The following EYS variants were observed in gnomAD, a reference collection of about 807,000 sequenced individuals.
EYS encodes EGF-like photoreceptor maintenance factor, also known as protein eyes shut homolog.
In EYS, 250 loss-of-function variants were observed where a neutral mutation model predicts 282.1. The ratio of observed to expected loss-of-function variants is 0.89; its 90% CI spans 0.80 to 0.98. The LOEUF is 0.98. Among genes scored for constraint, EYS ranks in the 50% least tolerant of loss-of-function variants. EYS has a pLI of 0.00. For missense variants in EYS, 4,016 were observed against 3,709.0 expected, an observed-to-expected ratio of 1.08 and a Z score of -2.15; for synonymous variants, 1,355 against 1,282.9, an observed-to-expected ratio of 1.06 and a Z score of -1.20.
At chr6:65,465,935 G>A (rs942817034) in intron 5 of EYS, among the ~76,000 whole-genome samples, 1 of 151,944 alleles carries the variant, frequency 6.6e-6, no homozygotes, top group African/African-American at 2.4e-5. Context: ...TTGTGCCACT[G>A]CCCCACAGCC....
At chr6:65,092,481 A>T (rs890434586) in intron 12 of EYS, among the ~76,000 whole-genome samples, 29 of 152,220 alleles carry the variant, frequency 1.9e-4, no homozygotes, top group African/African-American at 6.8e-4. Context: ...AAATGCAAAA[A>T]GTCATGCAAC....
intron 14 of EYS, among the ~76,000 whole-genome samples, chr6:64,981,080 A>T (rs1770648017): frequency 6.6e-6 from 1 of 151,418 alleles, no homozygotes; most frequent in South Asian, 2.1e-4. Context: ...GCCTAAGGTT[A>T]TAAAGCCTCG....
At chr6:64,844,917 G>A (rs1424298184) in intron 19 of EYS, among the ~76,000 whole-genome samples, 3 of 152,024 alleles carry the variant, frequency 2.0e-5, no homozygotes, top group Non-Finnish European at 2.9e-5. Flanking sequence ...TGATATTATA[G>A]CCATCTACTC....
intron 22 of EYS, among the ~76,000 whole-genome samples, chr6:64,654,408 A>G (rs1768674238): frequency 6.6e-6 from 1 of 152,186 alleles, no homozygotes; most frequent in South Asian, 2.1e-4. Flanking sequence ...CAGGCATCAA[A>G]CAAGCAATTA....
In EYS at chr6:65,047,921, G is replaced by A. The variant is rs144144650; in HGVS notation, c.2137+9693C>T. 4.6e-4 allele frequency among the ~76,000 whole-genome samples: 70 copies of A among 152,010 alleles called. No individual in the cohort carries two copies. The East Asian group carries it at 0.013, about 28-fold the overall frequency. ...TAGGGAAGATAACCTGATCAGTGGA[G>A]GGGCATAGCCAGCTTGAGGCAAAAC... On this transcript the variant is annotated intron_variant, in intron 13 of 42. Coordinates refer to ENST00000503581, the MANE Select transcript of EYS (RefSeq NM_001142800.2).
chr6:64,628,271 C>A (rs1767673292), intron 22 of EYS, among the ~76,000 whole-genome samples: 1 of 148,816 alleles, frequency 6.7e-6, no homozygotes, highest in Admixed American at 6.7e-5. Context: ...GAGAGGAATT[C>A]ATCACTAGTG....
chr6:65,637,709 A>G (rs566449239), intron 2 of EYS, among the ~76,000 whole-genome samples: 75 of 152,194 alleles, frequency 4.9e-4, no homozygotes, highest in African/African-American at 1.7e-3. Context: ...GCACTGTTGC[A>G]ACTCTAACAA....
chr6:65,274,243 G>T (rs1767980453), intron 12 of EYS, among the ~76,000 whole-genome samples: 1 of 152,148 alleles, frequency 6.6e-6, no homozygotes, highest in Non-Finnish European at 1.5e-5. Context: ...AAGCAATATA[G>T]TATTTATAAA....
intron 12 of EYS, among the ~76,000 whole-genome samples, chr6:65,175,091 G>C (rs1444653037): frequency 6.6e-6 from 1 of 151,128 alleles, no homozygotes; most frequent in African/African-American, 2.4e-5. Flanking sequence ...TTTATTTTTT[G>C]AAACAGTACC....
intron 31 of EYS, among the ~76,000 whole-genome samples, chr6:64,144,487 A>C (rs1417161971): frequency 6.6e-6 from 1 of 152,198 alleles, no homozygotes; most frequent in Non-Finnish European, 1.5e-5. Flanking sequence ...AGTGAGGCCC[A>C]GAGTGTGCTT....
intron 40 of EYS, among the ~76,000 whole-genome samples, chr6:63,775,324 G>A (rs1481624430): frequency 1.3e-5 from 2 of 152,130 alleles, no homozygotes; most frequent in African/African-American, 4.8e-5. Context: ...GGAGCTAAAG[G>A]GAGCATTTTG....
intron 26 of EYS, among the ~76,000 whole-genome samples, chr6:64,542,171 G>C (rs193239931): frequency 5.3e-5 from 8 of 152,118 alleles, no homozygotes; most frequent in Non-Finnish European, 1.0e-4. Flanking sequence ...AACAAGTTCA[G>C]TTTTCCATCA....
intron 26 of EYS, among the ~76,000 whole-genome samples, chr6:64,543,097 C>A (rs1212856608): frequency 6.6e-6 from 1 of 151,968 alleles, no homozygotes; most frequent in Admixed American, 6.6e-5. Flanking sequence ...CTTTAAAGTC[C>A]ACCACCTGAC....
intron 31 of EYS, among the ~76,000 whole-genome samples, chr6:64,151,300 C>CGT (rs375311887): frequency 7.1e-5 from 7 of 99,232 alleles, no homozygotes; most frequent in East Asian, 6.7e-4. Context: ...TGTTTTCACA[C>CGT]GTGTGTGTGT....
intron 26 of EYS, among the ~76,000 whole-genome samples, chr6:64,544,080 C>A (rs1764772270): frequency 1.3e-5 from 2 of 152,146 alleles, no homozygotes; most frequent in Admixed American, 6.6e-5. Context: ...ATACTGTTAA[C>A]TCCAATCACT....
chr6:64,700,378 A>T (rs1259934275), intron 22 of EYS, among the ~76,000 whole-genome samples: 1 of 152,112 alleles, frequency 6.6e-6, no homozygotes, highest in Non-Finnish European at 1.5e-5. Context: ...TAGAAGTCTT[A>T]GCCAGAGCAA....
At chr6:65,143,380 A>C (rs998631674) in intron 12 of EYS, among the ~76,000 whole-genome samples, 12 of 151,942 alleles carry the variant, frequency 7.9e-5, no homozygotes, top group Admixed American at 6.6e-4. Flanking sequence ...AATGGGATAT[A>C]AAGGGCATTA....
At chr6:65,388,445 T>C (rs917989356) in intron 7 of EYS, among the ~76,000 whole-genome samples, 65 of 152,124 alleles carry the variant, frequency 4.3e-4, no homozygotes, top group African/African-American at 1.5e-3. Context: ...TTCAAGGCTG[T>C]GTCAGGATCA....
intron 14 of EYS, among the ~76,000 whole-genome samples, chr6:64,962,766 A>G (rs116149119): frequency 8.2e-4 from 125 of 152,206 alleles, no homozygotes; most frequent in African/African-American, 2.9e-3. Context: ...CAACCCTCAA[A>G]AAAAGAGAGA....
Sources: allele counts gnomAD v4.1 joint callset (sites outside exome capture counted in the v4.1 genomes callset), GRCh38; gene constraint gnomAD v4.1.1; transcripts MANE v1.5; gene names NCBI Gene and HGNC (gene_info 2026-07-23, HGNC 2026-07-21).